Variants in WASF1 observed in about 807,000 individuals in gnomAD.
WASF1 encodes WASP family member 1.
A neutral mutation model predicts 50.5 loss-of-function variants in WASF1; 7 were observed. That is an observed-to-expected ratio of 0.14 (90% CI 0.08 to 0.26). The LOEUF (loss-of-function observed/expected upper bound fraction) is 0.26, where lower values mean the gene tolerates loss of function less well. WASF1 is among the 10% of genes least tolerant of loss of function. The pLI, the probability that WASF1 is intolerant of heterozygous loss-of-function variation, is 1.00. For missense variants in WASF1, 470 were observed against 694.7 expected, an observed-to-expected ratio of 0.68 and a Z score of 3.64; for synonymous variants, 205 against 244.0, an observed-to-expected ratio of 0.84 and a Z score of 1.49.
rs1019411660 is a variant in WASF1, at chr6:110,143,779, C to T, written c.-28-16150G>A. ...CATTCATGGTCAATGAAATAATTTA[C>T]GATCATTTAAAGGTGTTTCAGTATT... is the stretch of plus-strand genomic sequence containing the variant. On this transcript the variant is annotated intron_variant, in intron 3 of 10. Coordinates refer to ENST00000392589, the MANE Select transcript of WASF1 (RefSeq NM_003931.3). Among the ~76,000 whole-genome samples, 16 of 152,046 alleles carry T rather than the reference C, an allele frequency of 1.1e-4. 1 individual carries two copies. Among genetic ancestry groups the T allele is most frequent in the African/African-American group, 2.4e-5 (1 of 41,402 alleles).
intron 2 of WASF1, among the ~76,000 whole-genome samples, chr6:110,171,942 C>T (rs540377544): frequency 2.4e-4 from 36 of 152,232 alleles, no homozygotes; most frequent in Non-Finnish European, 4.1e-4. Flanking sequence ...ATGCTCATCA[C>T]CACTGGTCAC....
At chr6:110,136,915 C>T (rs1774994117) in intron 3 of WASF1, among the ~76,000 whole-genome samples, 1 of 152,070 alleles carries the variant, frequency 6.6e-6, no homozygotes, top group Non-Finnish European at 1.5e-5. Context: ...AGATGTGGTC[C>T]TCCTGTTAAA....
intron 3 of WASF1, among the ~76,000 whole-genome samples, chr6:110,141,426 G>C (rs542603980): frequency 6.6e-6 from 1 of 152,258 alleles, no homozygotes; most frequent in East Asian, 1.9e-4. Context: ...ACTAGACTCA[G>C]GCAGCAACTC....
At chr6:110,168,688 A>AC (rs1465748813) in intron 2 of WASF1, among the ~76,000 whole-genome samples, 1 of 152,080 alleles carries the variant, frequency 6.6e-6, no homozygotes, top group African/African-American at 2.4e-5. Flanking sequence ...CACTGCCAGT[A>AC]CTTCCAGTCC....
chr6:110,147,849 C>T (rs1329689924), intron 3 of WASF1, among the ~76,000 whole-genome samples: 1 of 152,184 alleles, frequency 6.6e-6, no homozygotes, highest in Non-Finnish European at 1.5e-5. Context: ...CTGGCTAAAG[C>T]AGTCCTCCCA....
chr6:110,128,119 C>A (rs947417251), intron 3 of WASF1, among the ~76,000 whole-genome samples: 1 of 151,962 alleles, frequency 6.6e-6, no homozygotes, highest in African/African-American at 2.4e-5. Context: ...CTGGGTTGTT[C>A]AAGGGCCAAC....
intron 3 of WASF1, among the ~76,000 whole-genome samples, chr6:110,145,156 C>A (rs894350255): frequency 1.6e-4 from 24 of 152,088 alleles, no homozygotes; most frequent in Non-Finnish European, 3.2e-4. Flanking sequence ...TTGTAGTTCT[C>A]CTTGAAGAGG....
chr6:110,142,551 T>G (rs552144276), intron 3 of WASF1, among the ~76,000 whole-genome samples: 33 of 152,316 alleles, frequency 2.2e-4, no homozygotes, highest in African/African-American at 7.9e-4. Context: ...CTGAGAAAAC[T>G]GCCTGATTCC....
chr6:110,134,480 G>A (rs548967531), intron 3 of WASF1, among the ~76,000 whole-genome samples: 15 of 150,624 alleles, frequency 1.0e-4, no homozygotes, highest in Admixed American at 3.3e-4. Flanking sequence ...ACTGGAGTGC[G>A]GTGGCACGAT....
At chr6:110,155,536 C>CTTTTTTTTTTTTTTTTTTTTT (rs66645132) in intron 3 of WASF1, among the ~76,000 whole-genome samples, 1 of 45,958 alleles carries the variant, frequency 2.2e-5, no homozygotes, top group Non-Finnish European at 3.9e-5. Context: ...AAAGTGCCTT[C>CTTTTTTTTTTTTTTTTTTTTT]TTTTTTTTTT....
chr6:110,163,054 A>T (rs925390505), intron 2 of WASF1, among the ~76,000 whole-genome samples: 10 of 151,672 alleles, frequency 6.6e-5, no homozygotes, highest in African/African-American at 2.4e-5. Flanking sequence ...CAAGATTAAT[A>T]TATAAAAGTC....
intron 10 of WASF1, among the ~76,000 whole-genome samples, chr6:110,100,915 T>A (rs1303516637): frequency 6.6e-6 from 1 of 152,202 alleles, no homozygotes; most frequent in African/African-American, 2.4e-5. Flanking sequence ...TATTTATCCA[T>A]CATGGTCTAC....
At chr6:110,169,698 C>T (rs899608172) in intron 2 of WASF1, among the ~76,000 whole-genome samples, 3 of 152,136 alleles carry the variant, frequency 2.0e-5, no homozygotes, top group Non-Finnish European at 4.4e-5. Flanking sequence ...GGGGTAAGCC[C>T]AAGGCAGTTA....
chr6:110,113,210 C>T, intron 5 of WASF1, 116 bp downstream of exon 5: 1 of 928,644 alleles, frequency 1.1e-6, no homozygotes. Flanking sequence ...ATATGTACAC[C>T]AAAGGACATG....
chr6:110,166,718 G>A (rs1776492912), intron 2 of WASF1, among the ~76,000 whole-genome samples: 2 of 151,808 alleles, frequency 1.3e-5, no homozygotes, highest in African/African-American at 4.8e-5. Context: ...GATCAGATGG[G>A]TTTGAATCTT....
chr6:110,138,116 G>T (rs1273234036), intron 3 of WASF1, among the ~76,000 whole-genome samples: 1 of 152,252 alleles, frequency 6.6e-6, no homozygotes, highest in African/African-American at 2.4e-5. Context: ...CAAGCACAGG[G>T]TCTGGCCACT....
chr6:110,100,778 T>C, intron 10 of WASF1, 99 bp from the exon 11 acceptor site: 3 of 1,227,404 alleles, frequency 2.4e-6, no homozygotes, highest in Non-Finnish European at 3.2e-6. Flanking sequence ...TGAGAAATAC[T>C]TATAGGAAAA....
chr6:110,110,703 CAA>C (rs1053844041), intron 5 of WASF1, among the ~76,000 whole-genome samples: 57 of 152,072 alleles, frequency 3.7e-4, no homozygotes, highest in African/African-American at 1.3e-3. Flanking sequence ...TATAATTGTA[CAA>C]GTCTTTGTTT....
chr6:110,163,250 T>A (rs1055934556), intron 2 of WASF1, among the ~76,000 whole-genome samples: 2 of 151,618 alleles, frequency 1.3e-5, no homozygotes, highest in African/African-American at 4.8e-5. Context: ...AGAGATACTC[T>A]ATGTTTGTGG....
Sources: gnomAD v4.1 joint callset for allele counts (sites outside exome capture counted in the v4.1 genomes callset) on GRCh38, gnomAD v4.1.1 for gene constraint, MANE v1.5 for transcripts, NCBI Gene and HGNC (gene_info 2026-07-23, HGNC 2026-07-21) for gene names.